CMSS1: variants seen among roughly 807,000 people sequenced by gnomAD.
The protein encoded by CMSS1 is cms1 ribosomal small subunit homolog.
CMSS1 carries 33 observed loss-of-function variants against 43.5 expected under a neutral mutation model. That is an observed-to-expected ratio of 0.76 (90% CI 0.57 to 1.01). The LOEUF is 1.01. Among genes scored for constraint, CMSS1 ranks in the 50% least tolerant of loss-of-function variants. The pLI, the probability that CMSS1 is intolerant of heterozygous loss-of-function variation, is 0.00. For synonymous variants in CMSS1, 115 were observed against 117.2 expected (o/e 0.98, Z 0.12); for missense variants, 313 against 326.4 (o/e 0.96, Z 0.32).
At chr3:100,121,556 T>C (rs1303938077) in intron 1 of CMSS1, among the ~76,000 whole-genome samples, 2 of 152,186 alleles carry the variant, frequency 1.3e-5, no homozygotes, top group African/African-American at 4.8e-5. Context: ...AACATACGTG[T>C]ACATGTGATG....
chr3:100,060,662 C>T (rs1340025215), intron 1 of CMSS1, among the ~76,000 whole-genome samples: 2 of 151,998 alleles, frequency 1.3e-5, no homozygotes, highest in South Asian at 2.1e-4. Flanking sequence ...TGAGACCAGC[C>T]TGGGCAATAT....
chr3:99,890,021 C>T (rs1706034099), intron 1 of CMSS1, among the ~76,000 whole-genome samples: 1 of 152,068 alleles, frequency 6.6e-6, no homozygotes, highest in Non-Finnish European at 1.5e-5. Context: ...CTCTCTGGGA[C>T]CACTTTCCTT....
At chr3:100,158,526 C>T (rs1180457043) in intron 2 of CMSS1, among the ~76,000 whole-genome samples, 1 of 152,178 alleles carries the variant, frequency 6.6e-6, no homozygotes, top group African/African-American at 2.4e-5. Context: ...TCCATAAAGT[C>T]ATCTCACCTC....
In CMSS1 at chr3:99,920,895, T is replaced by C. The variant is rs144395896; in HGVS notation, c.64+102852T>C. The stretch of plus-strand genomic sequence containing the variant: ...ACGTAGTTCTTAATTTTTGTTTTAT[T>C]TCCAGGTAGATACAAACCAACACTT... On this transcript the variant is annotated intron_variant, in intron 1 of 9. Coordinates refer to ENST00000421999, the MANE Select transcript of CMSS1 (RefSeq NM_032359.4). Among the ~76,000 whole-genome samples the C allele has an allele frequency of 6.7e-3, 1,023 of 152,352 alleles. 3 individuals are homozygous for C. Among genetic ancestry groups the C allele is most frequent in the African/African-American group, 8.5e-3 (352 of 41,586 alleles).
intron 1 of CMSS1, chr3:99,848,823 G>A (rs766560412): frequency 2.0e-5 from 33 of 1,613,964 alleles, no homozygotes; most frequent in Non-Finnish European, 2.5e-5. Flanking sequence ...TTATGGAGGC[G>A]TTTTGGAGGA....
chr3:100,004,133 C>T (rs1382410772), intron 1 of CMSS1, among the ~76,000 whole-genome samples: 4 of 152,062 alleles, frequency 2.6e-5, no homozygotes, highest in African/African-American at 9.7e-5. Context: ...ATGATGCCTT[C>T]CTAGGGGATT....
At chr3:99,818,461 C>T (rs793469) in intron 1 of CMSS1, among the ~76,000 whole-genome samples, 60,752 of 152,042 alleles carry the variant, frequency 0.4, 12,413 homozygotes, top group Middle Eastern at 0.5. Context: ...TGTTTAGCCT[C>T]CTTTTCCTCA....
intron 1 of CMSS1, among the ~76,000 whole-genome samples, chr3:100,014,898 T>TTTTTTTTTTTTTTTTTTTTTTTTTC (rs1710291087): frequency 2.7e-5 from 3 of 110,410 alleles, no homozygotes; most frequent in Non-Finnish European, 5.9e-5. Context: ...TTTCTTTCTT[T>TTTTTTTTTTTTTTTTTTTTTTTTTC]TTTTTTTTTT....
chr3:99,849,356 A>T (rs1943540534), intron 1 of CMSS1: 2 of 1,613,952 alleles, frequency 1.2e-6, no homozygotes, highest in African/African-American at 2.7e-5. Flanking sequence ...AAATGCCGGT[A>T]CCTCTCTAAC....
At position 100,162,346 on chromosome 3, in the gene CMSS1, G is replaced by C; in HGVS notation, c.269G>C (p.Gly90Ala). Residue 90 changes from glycine (G) to alanine (A), a missense_variant, in exon 4 of 10, where the codon GGG becomes GCG. Gly to Ala is a moderately conservative substitution (Grantham distance 60). Coordinates refer to ENST00000421999, the MANE Select transcript of CMSS1 (RefSeq NM_032359.4). ...CTTGCAAAATCAGAACCAAAACCAG[G>C]GTTACCTGAAGACCTACAGAAGCTG... ...DVLAKSEPKP[G>A]LPEDLQKLMK... 6.2e-7 allele frequency: 1 copy of C among 1,612,978 alleles called. No homozygotes were observed. The highest frequency in any genetic ancestry group is 8.5e-7 in the Non-Finnish European group (1 of 1,179,320).
intron 1 of CMSS1, among the ~76,000 whole-genome samples, chr3:100,123,652 A>G (rs895854289): frequency 1.4e-4 from 21 of 152,138 alleles, no homozygotes; most frequent in Admixed American, 2.0e-4. Flanking sequence ...GAATTCATGG[A>G]CTGTAGGCAG....
At chr3:100,142,104 G>T (rs2066810333) in intron 1 of CMSS1, among the ~76,000 whole-genome samples, 1 of 152,178 alleles carries the variant, frequency 6.6e-6, no homozygotes, top group South Asian at 2.1e-4. Flanking sequence ...CATTTTATAT[G>T]TTAAAAGGTG....
At chr3:100,022,650 A>G (rs923365673) in intron 1 of CMSS1, among the ~76,000 whole-genome samples, 18 of 152,208 alleles carry the variant, frequency 1.2e-4, no homozygotes, top group African/African-American at 4.3e-4. Context: ...AGGGGAAAAG[A>G]AAGAGGGAGA....
intron 1 of CMSS1, among the ~76,000 whole-genome samples, chr3:99,973,443 A>G (rs1708880408): frequency 6.6e-6 from 1 of 152,244 alleles, no homozygotes; most frequent in Non-Finnish European, 1.5e-5. Context: ...CATATAAAAT[A>G]GAAATCTAAA....
At chr3:100,147,611 A>G (rs1422814872) in intron 2 of CMSS1, among the ~76,000 whole-genome samples, 1 of 152,042 alleles carries the variant, frequency 6.6e-6, no homozygotes, top group Non-Finnish European at 1.5e-5. Context: ...TTTCACAATA[A>G]TATCTTAGAT....
At chr3:99,947,609 T>A (rs1206372950) in intron 1 of CMSS1, among the ~76,000 whole-genome samples, 1 of 152,200 alleles carries the variant, frequency 6.6e-6, no homozygotes, top group Non-Finnish European at 1.5e-5. Context: ...GTTCGTTGTT[T>A]TAAAGTCATG....
intron 1 of CMSS1, among the ~76,000 whole-genome samples, chr3:99,821,395 A>G (rs1477667486): frequency 6.6e-6 from 1 of 152,224 alleles, no homozygotes; most frequent in Non-Finnish European, 1.5e-5. Flanking sequence ...AGGGATGTCT[A>G]GTCACTCCAT....
At position 99,850,455 on chromosome 3, in the gene CMSS1, C is replaced by T. The variant is rs538097692; in HGVS notation, c.64+32412C>T. ...CTAGTTTAAAGTCTTTACTCTGTAACGTCTCCCTTTCAAGCCTCTTATTGA... is the reference window on the plus strand; with the variant it reads ...CTAGTTTAAAGTCTTTACTCTGTAATGTCTCCCTTTCAAGCCTCTTATTGA... On this transcript the variant is annotated intron_variant, in intron 1 of 9. Coordinates refer to ENST00000421999, the MANE Select transcript of CMSS1 (RefSeq NM_032359.4). 5.3e-4 allele frequency: 851 copies of T among 1,614,004 alleles called. 9 individuals are homozygous for T. In the South Asian group the frequency reaches 8.8e-3, roughly 17 times the overall value.
At chr3:99,883,282 T>C (rs565677244) in intron 1 of CMSS1, among the ~76,000 whole-genome samples, 1 of 152,320 alleles carries the variant, frequency 6.6e-6, no homozygotes, top group African/African-American at 2.4e-5. Flanking sequence ...CTTCCACTCA[T>C]TGTTCTTCAT....
Sources: allele counts gnomAD v4.1 joint callset (sites outside exome capture counted in the v4.1 genomes callset), GRCh38; gene constraint gnomAD v4.1.1; transcripts MANE v1.5; gene names NCBI Gene and HGNC (gene_info 2026-07-23, HGNC 2026-07-21).